Variants in GRIP1 observed in about 807,000 individuals in gnomAD.
The protein encoded by GRIP1 is glutamate receptor-interacting protein 1.
In GRIP1, 45 loss-of-function variants were observed where a neutral mutation model predicts 129.9. The ratio of observed to expected loss-of-function variants is 0.35; its 90% confidence interval spans 0.27 to 0.44. The LOEUF is 0.44. Ranked by LOEUF, GRIP1 falls within the 20% of genes least tolerant of loss-of-function variation. The pLI is 1.00. For synonymous variants in GRIP1, 530 were observed against 520.8 expected (o/e 1.02, Z -0.24); for missense variants, 1,196 against 1,396.8 (o/e 0.86, Z 2.29).
chr12:66,397,857 T>C (rs2056852661), intron 16 of GRIP1, among the ~76,000 whole-genome samples: 1 of 152,236 alleles, frequency 6.6e-6, no homozygotes, highest in South Asian at 2.1e-4. Flanking sequence ...TTTATTTTTG[T>C]ATATATTTTG....
intron 23 of GRIP1, 92 bp from the exon 24 acceptor site, chr12:66,353,655 A>G: frequency 8.9e-7 from 1 of 1,127,886 alleles, no homozygotes; most frequent in African/African-American, 1.5e-5. Context: ...ACACGAATTT[A>G]GTCACATCAT....
intron 1 of GRIP1, among the ~76,000 whole-genome samples, chr12:66,946,427 A>G (rs540529523): frequency 6.6e-6 from 1 of 152,262 alleles, no homozygotes; most frequent in Non-Finnish European, 1.5e-5. Flanking sequence ...TCTATTACAA[A>G]TATATTCAAA....
chr12:66,926,103 G>A lies in GRIP1; in HGVS notation c.58+142947C>T, dbSNP rs143436536. Among the ~76,000 whole-genome samples the A allele has an allele frequency of 4.6e-5, 7 of 152,232 alleles. No individual in the cohort carries two copies. In the East Asian group the frequency reaches 9.6e-4, roughly 21 times the overall value. ...TGGACAGACTTTCCTCAACACAGGCGACTGAAACATTCTGCAAGGAGTGCT... is the reference window on the plus strand; with the variant it reads ...TGGACAGACTTTCCTCAACACAGGCAACTGAAACATTCTGCAAGGAGTGCT... On this transcript the variant is annotated intron_variant, in intron 1 of 1. Coordinates refer to the GRIP1 transcript ENST00000643019.
intron 1 of GRIP1, among the ~76,000 whole-genome samples, chr12:66,635,996 A>C (rs773088083): frequency 6.6e-6 from 1 of 152,212 alleles, no homozygotes; most frequent in Admixed American, 6.5e-5. Context: ...CCGATGGTGG[A>C]AGCAACCCTA....
At chr12:66,443,334 G>A (rs2058521614) in intron 13 of GRIP1, among the ~76,000 whole-genome samples, 1 of 151,960 alleles carries the variant, frequency 6.6e-6, no homozygotes, top group South Asian at 2.1e-4. Flanking sequence ...TCCATTCAAT[G>A]ACTCCCTCCT....
intron 1 of GRIP1, among the ~76,000 whole-genome samples, chr12:66,913,380 G>A (rs910771063): frequency 3.3e-5 from 5 of 151,972 alleles, no homozygotes; most frequent in Admixed American, 1.3e-4. Context: ...GATGACACAA[G>A]CCTGAATATC....
At chr12:66,686,548 A>C (rs181286157) in intron 1 of GRIP1, among the ~76,000 whole-genome samples, 1 of 152,364 alleles carries the variant, frequency 6.6e-6, no homozygotes, top group East Asian at 1.9e-4. Context: ...GTACTACAAC[A>C]ACCTCCAAAC....
chr12:66,820,168 T>A (rs2039293220), intron 1 of GRIP1, among the ~76,000 whole-genome samples: 1 of 152,186 alleles, frequency 6.6e-6, no homozygotes, highest in South Asian at 2.1e-4. Flanking sequence ...CCCAGCACTT[T>A]GGAAGGCCGA....
intron 16 of GRIP1, among the ~76,000 whole-genome samples, chr12:66,396,425 G>A (rs1026271136): frequency 1.3e-5 from 2 of 152,132 alleles, no homozygotes; most frequent in African/African-American, 4.8e-5. Context: ...TGGGAGAAGG[G>A]GGGCACCTGG....
At chr12:66,954,514 G>A (rs1168460591) in intron 1 of GRIP1, among the ~76,000 whole-genome samples, 1 of 152,120 alleles carries the variant, frequency 6.6e-6, no homozygotes, top group Non-Finnish European at 1.5e-5. Flanking sequence ...GTGGTTCTGG[G>A]GTGGGGAGAC....
chr12:66,959,284 A>G (rs953414990), intron 1 of GRIP1, among the ~76,000 whole-genome samples: 1 of 152,104 alleles, frequency 6.6e-6, no homozygotes, highest in Non-Finnish European at 1.5e-5. Context: ...AAACTAATTT[A>G]TAGTTTTGTT....
intron 1 of GRIP1, among the ~76,000 whole-genome samples, chr12:66,610,050 C>T (rs996989670): frequency 2.6e-5 from 4 of 152,024 alleles, no homozygotes; most frequent in Admixed American, 2.6e-4. Flanking sequence ...AAGTGTACTC[C>T]TAAGGCCTTA....
chr12:66,894,090 C>T (rs1468473369), intron 1 of GRIP1, among the ~76,000 whole-genome samples: 9 of 152,216 alleles, frequency 5.9e-5, no homozygotes, highest in African/African-American at 2.2e-4. Context: ...CAAAAGTCCA[C>T]ATGCCTTGCT....
intron 9 of GRIP1, among the ~76,000 whole-genome samples, chr12:66,460,590 T>C (rs535169812): frequency 5.6e-4 from 86 of 152,364 alleles, no homozygotes; most frequent in Middle Eastern, 3.4e-3. Context: ...GCTTCTTTAA[T>C]GCTGCTATTT....
upstream of GRIP1, among the ~76,000 whole-genome samples, chr12:66,682,526 T>C (rs1255882568): frequency 1.3e-5 from 2 of 152,166 alleles, no homozygotes; most frequent in Non-Finnish European, 2.9e-5. Flanking sequence ...AAGATTCCAA[T>C]ATAGTCTCAA....
intron 1 of GRIP1, among the ~76,000 whole-genome samples, chr12:66,960,496 T>C (rs2041907145): frequency 6.6e-6 from 1 of 152,142 alleles, no homozygotes; most frequent in Non-Finnish European, 1.5e-5. Flanking sequence ...TGCAATCTCT[T>C]TGAAATATCC....
intron 9 of GRIP1, 32 bp downstream of exon 9, chr12:66,462,892 A>T: frequency 6.3e-7 from 1 of 1,586,060 alleles, no homozygotes; most frequent in Admixed American, 1.7e-5. Flanking sequence ...TGAGGGCCAG[A>T]GAAAGAGCTT....
intron 1 of GRIP1, among the ~76,000 whole-genome samples, chr12:67,050,744 A>T (rs139368560): frequency 3.5e-4 from 54 of 152,286 alleles, no homozygotes; most frequent in African/African-American, 1.2e-3. Context: ...AAGATGCTCC[A>T]GTAGCAAAGG....
intron 1 of GRIP1, among the ~76,000 whole-genome samples, chr12:66,874,533 A>G (rs191252908): frequency 2.4e-3 from 359 of 152,186 alleles, no homozygotes; most frequent in African/African-American, 8.3e-3. Context: ...GTTATGCAGG[A>G]TGTACAGAAA....
Sources: allele counts gnomAD v4.1 joint callset (sites outside exome capture counted in the v4.1 genomes callset), GRCh38; gene constraint gnomAD v4.1.1; transcripts MANE v1.5; gene names NCBI Gene and HGNC (gene_info 2026-07-23, HGNC 2026-07-21).